DIAPH3: variants seen among roughly 807,000 people sequenced by gnomAD.
The protein encoded by DIAPH3 is protein diaphanous homolog 3.
Under a neutral mutation model 144.3 loss-of-function variants are expected in DIAPH3, and 117 were observed. The ratio of observed to expected loss-of-function variants is 0.81; its 90% confidence interval spans 0.70 to 0.95. The LOEUF (loss-of-function observed/expected upper bound fraction) is 0.95. DIAPH3 is among the 40% of genes least tolerant of loss of function. The pLI is 0.00. For synonymous variants in DIAPH3, 519 were observed against 488.9 expected, an observed-to-expected ratio of 1.06 and a Z score of -0.81; for missense variants, 1,421 against 1,412.7, an observed-to-expected ratio of 1.01 and a Z score of -0.09.
intron 27 of DIAPH3, among the ~76,000 whole-genome samples, chr13:59,728,382 T>A (rs1265712991): frequency 1.3e-5 from 2 of 151,904 alleles, no homozygotes; most frequent in Non-Finnish European, 2.9e-5. Flanking sequence ...TGGAAATAAT[T>A]AGGAAAAAGA....
intron 25 of DIAPH3, among the ~76,000 whole-genome samples, chr13:59,782,494 TATC>T (rs1405131398): frequency 5.9e-5 from 9 of 152,268 alleles, no homozygotes; most frequent in Non-Finnish European, 1.2e-4. Context: ...GAAGATATTT[TATC>T]ATGCTATGAG....
intron 4 of DIAPH3, among the ~76,000 whole-genome samples, chr13:60,073,207 G>T (rs906810731): frequency 1.3e-5 from 2 of 151,970 alleles, no homozygotes; most frequent in African/African-American, 4.8e-5. Context: ...TACTCAGGAG[G>T]CCGAGGCAGA....
chr13:59,731,506 C>T (rs1482606890), intron 27 of DIAPH3, among the ~76,000 whole-genome samples: 1 of 152,056 alleles, frequency 6.6e-6, no homozygotes. Flanking sequence ...AAAAAGAATG[C>T]CATTCTGATA....
intron 17 of DIAPH3, among the ~76,000 whole-genome samples, chr13:59,949,213 A>G (rs1227951741): frequency 1.3e-5 from 2 of 152,296 alleles, no homozygotes; most frequent in African/African-American, 4.8e-5. Flanking sequence ...GGCACATGTT[A>G]AAGTTCAATT....
intron 5 of DIAPH3, 71 bp from the exon 6 acceptor site, chr13:60,016,216 A>C: frequency 1.5e-6 from 2 of 1,329,522 alleles, no homozygotes; most frequent in Middle Eastern, 1.8e-4. Flanking sequence ...ATATACCTAC[A>C]AGTATTTTAT....
At chr13:59,719,273 C>T (rs1438055282) in intron 27 of DIAPH3, among the ~76,000 whole-genome samples, 1 of 152,068 alleles carries the variant, frequency 6.6e-6, no homozygotes, top group Non-Finnish European at 1.5e-5. Context: ...AATTGTAGCA[C>T]ATATAATGAA....
chr13:60,037,463 A>G (rs2055315770), intron 5 of DIAPH3, among the ~76,000 whole-genome samples: 2 of 152,020 alleles, frequency 1.3e-5, no homozygotes, highest in Admixed American at 1.3e-4. Context: ...AAGAGAAGAG[A>G]TATTGCTTAC....
intron 17 of DIAPH3, among the ~76,000 whole-genome samples, chr13:59,944,027 C>T (rs2048678241): frequency 6.6e-6 from 1 of 152,020 alleles, no homozygotes; most frequent in African/African-American, 2.4e-5. Context: ...GCCTGGGCAA[C>T]ATGGCAAGAC....
At chr13:59,809,062 C>T (rs984034733) in intron 25 of DIAPH3, among the ~76,000 whole-genome samples, 2 of 152,142 alleles carry the variant, frequency 1.3e-5, no homozygotes, top group Non-Finnish European at 2.9e-5. Context: ...AATTTCTTTG[C>T]CCTATCAAGT....
intron 17 of DIAPH3, among the ~76,000 whole-genome samples, chr13:59,956,830 GGAACACACCTCTT>G (rs1376165019): frequency 6.6e-6 from 1 of 152,162 alleles, no homozygotes; most frequent in African/African-American, 2.4e-5. Context: ...CAAGACCATG[GGAACACACCTCTT>G]GCATTAGTGT....
At position 59,798,945 on chromosome 13, in the gene DIAPH3, A is replaced by C. The variant is rs567190252; in HGVS notation, c.3163+11843T>G. On this transcript the variant is annotated intron_variant, in intron 25 of 27. Transcript: ENST00000400324. ...GGCTAAGGAAACAAGATTAGGGTACAAGAAGGCTGCAGAAGCACCACAAGA... is the reference window on the plus strand; with the variant it reads ...GGCTAAGGAAACAAGATTAGGGTACCAGAAGGCTGCAGAAGCACCACAAGA... 9.9e-5 allele frequency among the ~76,000 whole-genome samples: 15 copies of C among 152,280 alleles called. No homozygotes were observed. In the South Asian group the frequency reaches 3.1e-3, roughly 32 times the overall value.
At chr13:60,154,921 G>A (rs758641118) in intron 1 of DIAPH3, among the ~76,000 whole-genome samples, 9 of 152,150 alleles carry the variant, frequency 5.9e-5, no homozygotes, top group African/African-American at 9.6e-5. Context: ...AGTGTAATAC[G>A]TAGCAGTTTT....
chr13:59,771,916 T>C (rs1028096131), intron 27 of DIAPH3, among the ~76,000 whole-genome samples: 1 of 151,948 alleles, frequency 6.6e-6, no homozygotes, highest in Non-Finnish European at 1.5e-5. Context: ...ATTAATATTA[T>C]CATTATTTTA....
intron 4 of DIAPH3, among the ~76,000 whole-genome samples, chr13:60,080,899 C>T (rs2057535847): frequency 6.6e-6 from 1 of 151,934 alleles, no homozygotes. Flanking sequence ...GTGATAAAAA[C>T]TCTTAGATGC....
At chr13:60,118,015 T>C (rs1451854580) in intron 2 of DIAPH3, among the ~76,000 whole-genome samples, 3 of 152,168 alleles carry the variant, frequency 2.0e-5, no homozygotes, top group African/African-American at 4.8e-5. Flanking sequence ...TATGCAAGAC[T>C]GAGAAGATTC....
At chr13:59,790,507 C>T (rs1043730366) in intron 25 of DIAPH3, among the ~76,000 whole-genome samples, 5 of 152,128 alleles carry the variant, frequency 3.3e-5, no homozygotes, top group African/African-American at 1.2e-4. Context: ...TATTCATTAC[C>T]TTTGTTTCAT....
At chr13:59,819,764 T>TAAA (rs35803459) in intron 24 of DIAPH3, among the ~76,000 whole-genome samples, 6,306 of 147,372 alleles carry the variant, frequency 0.043, 234 homozygotes, top group South Asian at 0.11. Context: ...TTAGAAGTTG[T>TAAA]AAAAAAAAAA....
chr13:60,132,446 T>C (rs1036238500), intron 2 of DIAPH3, among the ~76,000 whole-genome samples: 3 of 152,170 alleles, frequency 2.0e-5, no homozygotes, highest in African/African-American at 7.2e-5. Flanking sequence ...AAAAACTTAC[T>C]TGACTATGCA....
chr13:59,856,116 T>C (rs1001059489), intron 22 of DIAPH3, among the ~76,000 whole-genome samples: 1 of 152,198 alleles, frequency 6.6e-6, no homozygotes, highest in Non-Finnish European at 1.5e-5. Flanking sequence ...AAAAGAGGAA[T>C]TGAAGCATAC....
Sources: gnomAD v4.1 joint callset for allele counts (sites outside exome capture counted in the v4.1 genomes callset) on GRCh38, gnomAD v4.1.1 for gene constraint, MANE v1.5 for transcripts, NCBI Gene and HGNC (gene_info 2026-07-23, HGNC 2026-07-21) for gene names.